CPXM2: variants seen among roughly 807,000 people sequenced by gnomAD.
The protein encoded by CPXM2 is inactive carboxypeptidase-like protein X2.
A neutral mutation model predicts 86.1 loss-of-function variants in CPXM2; 66 were observed. That is an observed-to-expected ratio of 0.77 (90% CI 0.63 to 0.94). The LOEUF (loss-of-function observed/expected upper bound fraction) is 0.94. Ranked by LOEUF, CPXM2 falls within the 40% of genes least tolerant of loss-of-function variation. The pLI is 0.00. For synonymous variants in CPXM2, 388 were observed against 400.2 expected (o/e 0.97, Z 0.36); for missense variants, 948 against 1,026.3 (o/e 0.92, Z 1.04).
At chr10:123,836,057 C>T (rs1021239986) in intron 4 of CPXM2, among the ~76,000 whole-genome samples, 1 of 152,078 alleles carries the variant, frequency 6.6e-6, no homozygotes, top group Admixed American at 6.5e-5. Flanking sequence ...TCTGCTAGAC[C>T]CCACTGTCAC....
At chr10:123,848,508 C>A (rs985458771) in intron 3 of CPXM2, among the ~76,000 whole-genome samples, 1 of 152,130 alleles carries the variant, frequency 6.6e-6, no homozygotes, top group African/African-American at 2.4e-5. Context: ...AAATTCTATT[C>A]AACACACCAT....
chr10:123,923,123 T>A (rs1346601755), intron 2 of CPXM2, among the ~76,000 whole-genome samples: 2 of 152,064 alleles, frequency 1.3e-5, no homozygotes, highest in Admixed American at 1.3e-4. Context: ...AGAAGACAGA[T>A]CAAGAACCTG....
At chr10:123,830,130 A>G (rs1404843398) in intron 4 of CPXM2, among the ~76,000 whole-genome samples, 1 of 152,222 alleles carries the variant, frequency 6.6e-6, no homozygotes, top group African/African-American at 2.4e-5. Context: ...AGTATGACAT[A>G]TCTTAAGAAA....
chr10:123,833,392 T>C (rs1040700617), intron 4 of CPXM2, among the ~76,000 whole-genome samples: 2 of 152,252 alleles, frequency 1.3e-5, no homozygotes, highest in South Asian at 2.1e-4. Flanking sequence ...AAATGTCAGA[T>C]GCTACTTCTT....
intron 6 of CPXM2, among the ~76,000 whole-genome samples, chr10:123,789,449 G>T (rs1287087396): frequency 6.6e-6 from 1 of 152,228 alleles, no homozygotes; most frequent in Non-Finnish European, 1.5e-5. Context: ...TTTGCAGCTT[G>T]ACTGGCAGGG....
At chr10:123,790,909 A>G (rs1379024196) in intron 6 of CPXM2, among the ~76,000 whole-genome samples, 2 of 152,312 alleles carry the variant, frequency 1.3e-5, no homozygotes, top group Non-Finnish European at 1.5e-5. Context: ...TCTAGGGCAC[A>G]TGAGGTCTCT....
intron 3 of CPXM2, 121 bp from the exon 4 acceptor site, chr10:123,842,609 T>G (rs1404999090): frequency 3.0e-6 from 3 of 984,730 alleles, no homozygotes; most frequent in Non-Finnish European, 4.4e-6. Context: ...AGGAAGGTGT[T>G]AAAGAAAAAA....
chr10:123,872,554 A>G (rs952593820), intron 2 of CPXM2, among the ~76,000 whole-genome samples: 1 of 152,230 alleles, frequency 6.6e-6, no homozygotes, highest in Non-Finnish European at 1.5e-5. Flanking sequence ...GGAGGCCTGA[A>G]GTTGAGACCT....
At chr10:123,800,512 C>T (rs1008169649) in intron 4 of CPXM2, among the ~76,000 whole-genome samples, 6 of 152,162 alleles carry the variant, frequency 3.9e-5, no homozygotes, top group African/African-American at 1.2e-4. Flanking sequence ...GTTTCCCACA[C>T]ACAAATAATT....
chr10:123,938,984 G>A (rs1481882093), intron 2 of CPXM2, among the ~76,000 whole-genome samples: 1 of 152,044 alleles, frequency 6.6e-6, no homozygotes, highest in Non-Finnish European at 1.5e-5. Context: ...ACAAACTAGA[G>A]CCGATACAAA....
intron 4 of CPXM2, among the ~76,000 whole-genome samples, chr10:123,836,602 C>T (rs918964314): frequency 2.0e-5 from 3 of 152,206 alleles, no homozygotes; most frequent in Non-Finnish European, 4.4e-5. Context: ...GAAAGATGCT[C>T]TCTGTCCCTT....
intron 2 of CPXM2, among the ~76,000 whole-genome samples, chr10:123,929,506 GC>G (rs1945649017): frequency 6.6e-6 from 1 of 152,194 alleles, no homozygotes. Flanking sequence ...TACAAACAAG[GC>G]TAGGAGGAGG....
At chr10:123,785,693 C>T (rs911720708) in intron 6 of CPXM2, among the ~76,000 whole-genome samples, 23 of 149,144 alleles carry the variant, frequency 1.5e-4, no homozygotes, top group African/African-American at 4.2e-4. Flanking sequence ...AGTACAGAGG[C>T]GCGATCTCGG....
intron 2 of CPXM2, among the ~76,000 whole-genome samples, chr10:123,916,513 G>A (rs1221700626): frequency 6.6e-6 from 1 of 152,154 alleles, no homozygotes; most frequent in Non-Finnish European, 1.5e-5. Context: ...CCATTGACCA[G>A]TCGTCTCTGA....
intron 3 of CPXM2, among the ~76,000 whole-genome samples, chr10:123,853,362 T>C (rs1267832806): frequency 6.6e-6 from 1 of 152,230 alleles, no homozygotes; most frequent in Non-Finnish European, 1.5e-5. Flanking sequence ...TGCCTTGATT[T>C]GCCTCCCGCA....
At chr10:123,813,293 T>TAAGAAGAAGCCA (rs1045011023) in intron 4 of CPXM2, among the ~76,000 whole-genome samples, 4 of 152,238 alleles carry the variant, frequency 2.6e-5, no homozygotes, top group African/African-American at 9.6e-5. Context: ...TTACTTTGTC[T>TAAGAAGAAGCCA]AAGAAGAAGC....
intron 2 of CPXM2, among the ~76,000 whole-genome samples, chr10:123,878,187 G>A (rs146164584): frequency 5.8e-4 from 88 of 151,950 alleles, no homozygotes; most frequent in Middle Eastern, 3.4e-3. Flanking sequence ...TAACGGCCAC[G>A]CCACCCTGCC....
chr10:123,858,630 A>G (rs902337442), intron 3 of CPXM2, among the ~76,000 whole-genome samples: 4 of 152,216 alleles, frequency 2.6e-5, no homozygotes, highest in African/African-American at 9.6e-5. Flanking sequence ...AGAGGTAATA[A>G]TAACAGTACT....
intron 4 of CPXM2, among the ~76,000 whole-genome samples, chr10:123,825,855 A>G (rs2134121137): frequency 6.6e-6 from 1 of 152,276 alleles, no homozygotes; most frequent in South Asian, 2.1e-4. Flanking sequence ...TTCAGTGCAC[A>G]AATTTTGCAG....
Sources: allele counts gnomAD v4.1 joint callset (sites outside exome capture counted in the v4.1 genomes callset), GRCh38; gene constraint gnomAD v4.1.1; transcripts MANE v1.5; gene names NCBI Gene and HGNC (gene_info 2026-07-23, HGNC 2026-07-21).